WWOX: variants seen among roughly 807,000 people sequenced by gnomAD.
WWOX encodes the protein WW domain containing oxidoreductase.
A neutral mutation model predicts 46.2 loss-of-function variants in WWOX; 69 were observed. That is an observed-to-expected ratio of 1.49 (90% CI 1.23 to 1.82). WWOX has a LOEUF of 1.82. Ranked by LOEUF, WWOX falls within the 40% of genes most tolerant of loss-of-function variation. The pLI, the probability that WWOX is intolerant of heterozygous loss-of-function variation, is 0.00. For synonymous variants in WWOX, 359 were observed against 202.6 expected, an observed-to-expected ratio of 1.77 and a Z score of -6.56; for missense variants, 919 against 542.6, an observed-to-expected ratio of 1.69 and a Z score of -6.89.
At chr16:79,030,560 T>C (rs768543355) in intron 8 of WWOX, among the ~76,000 whole-genome samples, 5 of 152,158 alleles carry the variant, frequency 3.3e-5, no homozygotes, top group Non-Finnish European at 7.3e-5. Flanking sequence ...CTGTACCGAC[T>C]CATATGAGGG....
chr16:78,895,181 G>A (rs2044674721), intron 8 of WWOX, among the ~76,000 whole-genome samples: 1 of 152,212 alleles, frequency 6.6e-6, no homozygotes, highest in South Asian at 2.1e-4. Flanking sequence ...AGCATCAACG[G>A]CTTTAAAATC....
chr16:78,675,723 C>T (rs186291191), intron 8 of WWOX, among the ~76,000 whole-genome samples: 1 of 152,284 alleles, frequency 6.6e-6, no homozygotes, highest in East Asian at 1.9e-4. Context: ...GCCTATAACC[C>T]TGCACTTAGA....
At chr16:78,274,461 T>C (rs1329090323) in intron 5 of WWOX, among the ~76,000 whole-genome samples, 1 of 152,220 alleles carries the variant, frequency 6.6e-6, no homozygotes, top group Non-Finnish European at 1.5e-5. Context: ...CCGAAATTCC[T>C]GAATGAGTTA....
At chr16:78,850,555 C>T (rs543445559) in intron 8 of WWOX, among the ~76,000 whole-genome samples, 3 of 152,094 alleles carry the variant, frequency 2.0e-5, no homozygotes, top group African/African-American at 7.2e-5. Context: ...GTATATAATG[C>T]TGTTTAGTCC....
intron 8 of WWOX, among the ~76,000 whole-genome samples, chr16:78,922,853 G>T (rs2045410433): frequency 6.6e-6 from 1 of 152,134 alleles, no homozygotes; most frequent in Non-Finnish European, 1.5e-5. Context: ...AAGTAATGTG[G>T]CCTATTTTCA....
At chr16:78,879,667 C>T (rs968066458) in intron 8 of WWOX, among the ~76,000 whole-genome samples, 21 of 152,014 alleles carry the variant, frequency 1.4e-4, no homozygotes, top group African/African-American at 9.7e-5. Context: ...CACCTAAGGT[C>T]GGGAGTTCGA....
chr16:79,197,604 C>G (rs904635958), intron 8 of WWOX, among the ~76,000 whole-genome samples: 1 of 152,310 alleles, frequency 6.6e-6, no homozygotes, highest in East Asian at 1.9e-4. Flanking sequence ...TCATTAGATT[C>G]CTCACTGCCA....
intron 8 of WWOX, among the ~76,000 whole-genome samples, chr16:78,723,998 T>C (rs2048762890): frequency 6.6e-6 from 1 of 152,166 alleles, no homozygotes; most frequent in African/African-American, 2.4e-5. Flanking sequence ...TGATTCAGGC[T>C]CAGCAGGAGC....
chr16:78,825,465 C>T (rs997730176), intron 8 of WWOX: 1 of 423,118 alleles, frequency 2.4e-6, no homozygotes, highest in Non-Finnish European at 4.8e-6. Context: ...CTGGTGAGAA[C>T]AGCCAGGGAT....
intron 5 of WWOX, among the ~76,000 whole-genome samples, chr16:78,197,238 C>G (rs2036082900): frequency 6.6e-6 from 1 of 152,182 alleles, no homozygotes; most frequent in Non-Finnish European, 1.5e-5. Context: ...TGCTGGCACC[C>G]AGATTGAGGG....
At chr16:78,899,112 C>A (rs1305186850) in intron 8 of WWOX, 2 of 152,002 alleles carry the variant, frequency 1.3e-5, no homozygotes, top group Non-Finnish European at 2.9e-5. Context: ...TGGCTATAGC[C>A]TGTAGGACAG....
At chr16:78,422,360 T>G (rs533126620) in intron 6 of WWOX, among the ~76,000 whole-genome samples, 1 of 152,008 alleles carries the variant, frequency 6.6e-6, no homozygotes, top group East Asian at 1.9e-4. Context: ...AAAGTGTCTT[T>G]TTTTTGATTT....
At chr16:78,867,013 C>T (rs1597081222) in intron 8 of WWOX, among the ~76,000 whole-genome samples, 1 of 152,184 alleles carries the variant, frequency 6.6e-6, no homozygotes, top group Non-Finnish European at 1.5e-5. Flanking sequence ...GCTCCTATTG[C>T]AGGCTGGGTC....
At chr16:78,427,078 G>A (rs74894642) in intron 7 of WWOX, among the ~76,000 whole-genome samples, 9 of 152,164 alleles carry the variant, frequency 5.9e-5, no homozygotes, top group East Asian at 5.8e-4. Flanking sequence ...GACTTGGTGC[G>A]TAGGTGGTAC....
chr16:79,165,866 A>G (rs1421060528), intron 8 of WWOX, among the ~76,000 whole-genome samples: 2 of 152,172 alleles, frequency 1.3e-5, no homozygotes, highest in Admixed American at 6.5e-5. Flanking sequence ...AACTCAGTCT[A>G]AGCACCCGTC....
chr16:78,566,830 C>T (rs1472666142), intron 8 of WWOX, among the ~76,000 whole-genome samples: 1 of 152,152 alleles, frequency 6.6e-6, no homozygotes, highest in Non-Finnish European at 1.5e-5. Context: ...TTTGATTCAT[C>T]AATCAGAGTG....
chr16:78,937,400 T>C (rs1024238058), intron 8 of WWOX, among the ~76,000 whole-genome samples: 1 of 150,916 alleles, frequency 6.6e-6, no homozygotes, highest in Non-Finnish European at 1.5e-5. Context: ...GTTATGTAAA[T>C]TATGGAGGTG....
chr16:79,062,628 T>A lies in WWOX; in HGVS notation c.1057-148980T>A, dbSNP rs557989319. ...AATTAGTTTAATGAATGTTTACATT[T>A]AAAAAAAAAAGGCTTTTCTGCAAAC... is the stretch of plus-strand genomic sequence containing the variant. On this transcript the variant is annotated intron_variant, in intron 8 of 8. Coordinates refer to ENST00000566780, the MANE Select transcript of WWOX (RefSeq NM_016373.4). Among the ~76,000 whole-genome samples, 17 of 148,584 alleles carry A rather than the reference T, an allele frequency of 1.1e-4. 1 individual carries two copies. The highest frequency in any genetic ancestry group is 4.3e-4 in the South Asian group (2 of 4,644).
chr16:78,241,283 T>C (rs2037637124), intron 5 of WWOX: 1 of 125,604 alleles, frequency 8.0e-6, no homozygotes, highest in Non-Finnish European at 1.6e-5. Context: ...TATTATCATT[T>C]GTGTTTTTTT....
Sources: allele counts gnomAD v4.1 joint callset (sites outside exome capture counted in the v4.1 genomes callset), GRCh38; gene constraint gnomAD v4.1.1; transcripts MANE v1.5; gene names NCBI Gene and HGNC (gene_info 2026-07-23, HGNC 2026-07-21).